ETV6: variants seen among roughly 807,000 people sequenced by gnomAD.
ETV6 encodes the protein ETS variant transcription factor 6.
A neutral mutation model predicts 51.1 loss-of-function variants in ETV6; 16 were observed. The observed-to-expected ratio is 0.31, with a 90% CI of 0.21 to 0.48. The LOEUF is 0.48. ETV6 is among the 20% of genes least tolerant of loss of function. The probability of loss-of-function intolerance (pLI) is 0.99; values close to 1 mark genes in which losing one functional copy is unlikely to be tolerated. For synonymous variants in ETV6, 240 were observed against 224.1 expected (o/e 1.07, Z -0.64); for missense variants, 458 against 594.8 (o/e 0.77, Z 2.39).
chr12:11,665,997 A>G (rs1275615259), intron 1 of ETV6, among the ~76,000 whole-genome samples: 2 of 152,032 alleles, frequency 1.3e-5, no homozygotes, highest in South Asian at 2.1e-4. Flanking sequence ...CTTTTTTTTG[A>G]TGTGGCTCAG....
chr12:11,728,764 G>T (rs1450955667), intron 1 of ETV6, among the ~76,000 whole-genome samples: 3 of 152,144 alleles, frequency 2.0e-5, no homozygotes, highest in Non-Finnish European at 4.4e-5. Flanking sequence ...TTGGATCATA[G>T]ACATCTATAA....
At chr12:11,695,675 T>A (rs1033165480) in intron 1 of ETV6, among the ~76,000 whole-genome samples, 1 of 152,248 alleles carries the variant, frequency 6.6e-6, no homozygotes, top group African/African-American at 2.4e-5. Context: ...CTCGCCTTCA[T>A]GGCTGTCCTT....
chr12:11,856,395 A>G (rs1946633468), intron 4 of ETV6, among the ~76,000 whole-genome samples: 1 of 152,220 alleles, frequency 6.6e-6, no homozygotes, highest in African/African-American at 2.4e-5. Context: ...GTGCATTTTC[A>G]GAGACCATTC....
intron 2 of ETV6, among the ~76,000 whole-genome samples, chr12:11,808,967 G>A (rs908652880): frequency 2.6e-5 from 4 of 152,032 alleles, no homozygotes; most frequent in East Asian, 1.9e-4. Context: ...AGTTGGAGAC[G>A]AGCCTGGCCA....
At chr12:11,870,909 C>A (rs73066181) in intron 5 of ETV6, among the ~76,000 whole-genome samples, 6,693 of 152,260 alleles carry the variant, frequency 0.044, 155 homozygotes, top group Non-Finnish European at 0.054. Context: ...AGTAATAAAG[C>A]GCTGTAGAAG....
chr12:11,840,745 T>G (rs922978519), intron 3 of ETV6: 1 of 319,152 alleles, frequency 3.1e-6, no homozygotes, highest in Non-Finnish European at 6.2e-6. Context: ...ATCTTCAAAA[T>G]TGAGTAATTT....
At chr12:11,767,779 G>C (rs1945183940) in intron 2 of ETV6, among the ~76,000 whole-genome samples, 1 of 152,204 alleles carries the variant, frequency 6.6e-6, no homozygotes, top group South Asian at 2.1e-4. Flanking sequence ...CATTGTATAA[G>C]AGCTTGTCTG....
intron 1 of ETV6, among the ~76,000 whole-genome samples, chr12:11,700,142 G>C (rs59954591): frequency 6.6e-6 from 1 of 152,152 alleles, no homozygotes; most frequent in Non-Finnish European, 1.5e-5. Context: ...TGACTGAATC[G>C]AGTGAAAGGT....
At chr12:11,677,560 A>G (rs562677431) in intron 1 of ETV6, among the ~76,000 whole-genome samples, 1 of 152,386 alleles carries the variant, frequency 6.6e-6, no homozygotes, top group South Asian at 2.1e-4. Context: ...GAGCTAAAAG[A>G]ACATGGGATG....
chr12:11,789,604 T>TAA (rs1945550404), intron 2 of ETV6, among the ~76,000 whole-genome samples: 1 of 152,178 alleles, frequency 6.6e-6, no homozygotes, highest in Non-Finnish European at 1.5e-5. Context: ...GGAGGCAACT[T>TAA]TATTGAGACC....
chr12:11,687,688 A>G (rs747832146), intron 1 of ETV6, among the ~76,000 whole-genome samples: 9 of 152,244 alleles, frequency 5.9e-5, no homozygotes, highest in Non-Finnish European at 1.3e-4. Context: ...CATTTAAGAT[A>G]CTTTCAAGCA....
At chr12:11,776,728 T>G (rs1945331423) in intron 2 of ETV6, among the ~76,000 whole-genome samples, 1 of 152,150 alleles carries the variant, frequency 6.6e-6, no homozygotes, top group East Asian at 1.9e-4. Context: ...AGCATAACTT[T>G]TATGGAAGCA....
chr12:11,853,437 C>T lies in ETV6; in HGVS notation c.339C>T (p.Leu113=). 3 of 1,614,158 alleles carry T rather than the reference C, an allele frequency of 1.9e-6. No homozygotes were observed. The highest frequency in any genetic ancestry group is 2.5e-6 in the Non-Finnish European group (3 of 1,180,032). The change falls in exon 4 of 8, where the codon CTC becomes CTT. Residue 113 remains leucine, a synonymous_variant. Coordinates refer to ENST00000396373, the MANE Select transcript of ETV6 (RefSeq NM_001987.5). ...CCTTTTTCTTTCCAGGTGATGTGCT[C>T]TATGAACTCCTTCAGCATATTCTGA... The part of the protein sequence containing the change: ...RYRSPHSGDV[L]YELLQHILKQ...
At chr12:11,702,803 A>G (rs914718430) in intron 1 of ETV6, among the ~76,000 whole-genome samples, 4 of 152,168 alleles carry the variant, frequency 2.6e-5, no homozygotes, top group Non-Finnish European at 5.9e-5. Flanking sequence ...TAGAAGAAAA[A>G]ATGAATTTAC....
intron 2 of ETV6, among the ~76,000 whole-genome samples, chr12:11,791,508 C>G (rs1261213570): frequency 6.6e-6 from 1 of 152,206 alleles, no homozygotes; most frequent in Non-Finnish European, 1.5e-5. Context: ...CAACTTGAGT[C>G]ACACGTGTGG....
chr12:11,662,895 G>C (rs1490610487), intron 1 of ETV6, among the ~76,000 whole-genome samples: 1 of 152,150 alleles, frequency 6.6e-6, no homozygotes, highest in Admixed American at 6.5e-5. Context: ...ACCTCAAGTG[G>C]GGTCTGTGTG....
intron 1 of ETV6, among the ~76,000 whole-genome samples, chr12:11,747,821 T>C (rs1865936130): frequency 6.6e-6 from 1 of 152,214 alleles, no homozygotes; most frequent in Non-Finnish European, 1.5e-5. Context: ...TATAGCTTGT[T>C]AATAAAAGCT....
At position 11,891,081 on chromosome 12, in the gene ETV6, C is replaced by T; in HGVS notation, c.*35C>T. On this transcript the variant is annotated 3_prime_UTR_variant, in exon 8 of 8. Coordinates refer to ENST00000396373, the MANE Select transcript of ETV6 (RefSeq NM_001987.5). Reference sequence around the variant, plus strand: ...CAGTCCACCTCAGCGGGCCAGCAGCCCAGGGAACCCCTGCCCACCAGGATT... The same window carrying T: ...CAGTCCACCTCAGCGGGCCAGCAGCTCAGGGAACCCCTGCCCACCAGGATT... 6.5e-7 allele frequency: 1 copy of T among 1,529,652 alleles called. No homozygotes were observed. Among genetic ancestry groups the T allele is most frequent in the Non-Finnish European group, 9.0e-7 (1 of 1,105,182 alleles). 94.8% of individuals were successfully genotyped at this position (1,529,652 alleles called of 1,614,324 possible).
chr12:11,882,601 T>C (rs969273768), intron 5 of ETV6, among the ~76,000 whole-genome samples: 38 of 152,204 alleles, frequency 2.5e-4, no homozygotes, highest in African/African-American at 5.8e-4. Context: ...TACCTACAAA[T>C]AGCACCCACT....
Sources: gnomAD v4.1 joint callset for allele counts (sites outside exome capture counted in the v4.1 genomes callset) on GRCh38, gnomAD v4.1.1 for gene constraint, MANE v1.5 for transcripts, NCBI Gene and HGNC (gene_info 2026-07-23, HGNC 2026-07-21) for gene names.